DLGAP1: variants seen among roughly 807,000 people sequenced by gnomAD.
DLGAP1 encodes the protein disks large-associated protein 1.
A neutral mutation model predicts 90.8 loss-of-function variants in DLGAP1; 11 were observed. The ratio of observed to expected loss-of-function variants is 0.12; its 90% CI spans 0.08 to 0.20. The LOEUF (loss-of-function observed/expected upper bound fraction) is 0.20, where lower values mean the gene tolerates loss of function less well. Ranked by LOEUF, DLGAP1 falls within the 10% of genes least tolerant of loss-of-function variation. The pLI is 1.00. For synonymous variants in DLGAP1, 558 were observed against 540.7 expected (o/e 1.03, Z -0.44); for missense variants, 1,050 against 1,333.8 (o/e 0.79, Z 3.31).
At chr18:3,990,808 C>T (rs1374134351) in intron 3 of DLGAP1, among the ~76,000 whole-genome samples, 1 of 151,826 alleles carries the variant, frequency 6.6e-6, no homozygotes, top group Admixed American at 6.6e-5. Context: ...ACCAAGACAA[C>T]ATAGTACATG....
rs904301500 is a variant in DLGAP1 at position 4,152,061 on chromosome 18, A to G, written c.-266-774T>C. On this transcript the variant is annotated intron_variant, in intron 1 of 12. Coordinates refer to ENST00000315677, the MANE Select transcript of DLGAP1 (RefSeq NM_004746.4). Reference sequence around the variant, plus strand: ...ACCCACACTTATGAAGGAGGTAACTATTCCAGATCATATCACATGCTATAT... The same window carrying G: ...ACCCACACTTATGAAGGAGGTAACTGTTCCAGATCATATCACATGCTATAT... 8.2e-4 allele frequency among the ~76,000 whole-genome samples: 125 copies of G among 152,216 alleles called. 2 individuals carry two copies. The highest frequency in any genetic ancestry group is 9.2e-4 in the Admixed American group (14 of 15,282).
chr18:3,889,822 C>A (rs181734978), intron 3 of DLGAP1, among the ~76,000 whole-genome samples: 1 of 152,210 alleles, frequency 6.6e-6, no homozygotes, highest in Admixed American at 6.5e-5. Context: ...CCCATGTCGG[C>A]CCCACTGGAA....
chr18:4,446,879 T>G (rs2083680768), intron 1 of DLGAP1, among the ~76,000 whole-genome samples: 1 of 152,054 alleles, frequency 6.6e-6, no homozygotes. Flanking sequence ...GGAACATGTA[T>G]GAATAAGGAA....
intron 1 of DLGAP1, among the ~76,000 whole-genome samples, chr18:4,249,447 C>G (rs1310782774): frequency 9.8e-6 from 1 of 101,624 alleles, no homozygotes. Context: ...AATGTTCTGG[C>G]AAAAAAAAAA....
chr18:3,962,527 G>A (rs1013265498), intron 3 of DLGAP1: 44 of 152,066 alleles, frequency 2.9e-4, no homozygotes, highest in African/African-American at 1.0e-3. Flanking sequence ...ACCAAGCTGT[G>A]TACTTCAGGG....
intron 7 of DLGAP1, chr18:3,594,387 C>G (rs2145606576): frequency 1.1e-5 from 1 of 89,140 alleles, no homozygotes; most frequent in South Asian, 3.8e-4. Flanking sequence ...CTGTAAAAAA[C>G]AAAACATTGA....
At chr18:3,876,798 G>T (rs1191020159) in intron 4 of DLGAP1, among the ~76,000 whole-genome samples, 1 of 152,066 alleles carries the variant, frequency 6.6e-6, no homozygotes, top group Non-Finnish European at 1.5e-5. Context: ...TTTGAAAATA[G>T]AATTTCCAAA....
intron 3 of DLGAP1, among the ~76,000 whole-genome samples, chr18:3,905,388 A>G (rs1459357920): frequency 1.3e-5 from 2 of 149,544 alleles, no homozygotes; most frequent in African/African-American, 4.9e-5. Context: ...AAAAAAAAAA[A>G]AAAAGAAAAG....
chr18:4,090,992 A>G (rs1434993130), intron 2 of DLGAP1, among the ~76,000 whole-genome samples: 1 of 152,222 alleles, frequency 6.6e-6, no homozygotes, highest in Non-Finnish European at 1.5e-5. Flanking sequence ...TAACACAAGA[A>G]CAGAAAAGCA....
chr18:4,375,308 G>C (rs1199134181), intron 1 of DLGAP1, among the ~76,000 whole-genome samples: 1 of 152,206 alleles, frequency 6.6e-6, no homozygotes, highest in Non-Finnish European at 1.5e-5. Context: ...TGGATTCGTT[G>C]AATTAAATTA....
At chr18:3,899,275 A>T (rs575495567) in intron 3 of DLGAP1, among the ~76,000 whole-genome samples, 4 of 152,132 alleles carry the variant, frequency 2.6e-5, no homozygotes, top group Non-Finnish European at 5.9e-5. Flanking sequence ...TGCTTCCTTT[A>T]CCCAAATCTG....
chr18:3,985,480 C>T (rs943813068), intron 3 of DLGAP1, among the ~76,000 whole-genome samples: 3 of 150,110 alleles, frequency 2.0e-5, no homozygotes, highest in Admixed American at 6.6e-5. Context: ...ATATAACTTT[C>T]TGATCAGACT....
chr18:4,331,077 T>C (rs1055462335), intron 1 of DLGAP1, among the ~76,000 whole-genome samples: 5 of 151,898 alleles, frequency 3.3e-5, no homozygotes, highest in African/African-American at 1.2e-4. Flanking sequence ...GATATCTTTA[T>C]TATTACAAAA....
intron 3 of DLGAP1, among the ~76,000 whole-genome samples, chr18:3,947,536 C>T (rs2072900701): frequency 1.3e-5 from 2 of 152,202 alleles, no homozygotes; most frequent in African/African-American, 4.8e-5. Flanking sequence ...TCAGTCAGAC[C>T]AACTCTGTTC....
At chr18:4,200,736 T>C (rs1453815913) in intron 1 of DLGAP1, among the ~76,000 whole-genome samples, 1 of 152,098 alleles carries the variant, frequency 6.6e-6, no homozygotes, top group East Asian at 1.9e-4. Flanking sequence ...CCACCAATAC[T>C]TCACAGTTGA....
intron 2 of DLGAP1, among the ~76,000 whole-genome samples, chr18:4,040,305 T>C (rs1416955148): frequency 6.6e-6 from 1 of 152,252 alleles, no homozygotes. Context: ...CTTACGCTAG[T>C]ATACCAGTGA....
intron 3 of DLGAP1, among the ~76,000 whole-genome samples, chr18:3,888,865 T>C (rs2071388311): frequency 6.6e-6 from 1 of 152,250 alleles, no homozygotes; most frequent in Non-Finnish European, 1.5e-5. Flanking sequence ...GTGCTGACTC[T>C]ATGGGACCTC....
intron 1 of DLGAP1, among the ~76,000 whole-genome samples, chr18:4,304,516 T>A (rs2080201422): frequency 6.6e-6 from 1 of 152,240 alleles, no homozygotes; most frequent in South Asian, 2.1e-4. Context: ...TGGAAAGATA[T>A]AATTAGTTAA....
chr18:4,244,794 G>A (rs1377837389), intron 1 of DLGAP1, among the ~76,000 whole-genome samples: 13 of 152,104 alleles, frequency 8.5e-5, no homozygotes, highest in Admixed American at 7.9e-4. Context: ...CATAGGTGCC[G>A]GGGCATAACA....
Sources: gnomAD v4.1 joint callset for allele counts (sites outside exome capture counted in the v4.1 genomes callset) on GRCh38, gnomAD v4.1.1 for gene constraint, MANE v1.5 for transcripts, NCBI Gene and HGNC (gene_info 2026-07-23, HGNC 2026-07-21) for gene names.